The following CDH4 variants were observed in gnomAD, a reference collection of about 807,000 sequenced individuals.
The protein encoded by CDH4 is cadherin 4.
In CDH4, 33 loss-of-function variants were observed where a neutral mutation model predicts 86.0. The ratio of observed to expected loss-of-function variants is 0.38; its 90% confidence interval spans 0.29 to 0.51. The LOEUF is 0.51. CDH4 is among the 20% of genes least tolerant of loss of function. The probability of loss-of-function intolerance (pLI) is 0.86; values close to 1 mark genes in which losing one functional copy is unlikely to be tolerated. For synonymous variants in CDH4, 555 were observed against 549.4 expected (o/e 1.01, Z -0.14); for missense variants, 1,114 against 1,307.4 (o/e 0.85, Z 2.28).
chr20:61,865,569 G>A (rs1480870193), intron 6 of CDH4, among the ~76,000 whole-genome samples: 1 of 151,994 alleles, frequency 6.6e-6, no homozygotes, highest in African/African-American at 2.4e-5. Context: ...TGGCTGGTTA[G>A]TGTAGATGAT....
chr20:61,753,479 T>C (rs1184129852), intron 3 of CDH4, among the ~76,000 whole-genome samples: 1 of 152,222 alleles, frequency 6.6e-6, no homozygotes, highest in East Asian at 1.9e-4. Context: ...AACTGTTTTT[T>C]GGTGCAGTCT....
chr20:61,562,295 C>T (rs1405138984), intron 2 of CDH4, among the ~76,000 whole-genome samples: 1 of 110,626 alleles, frequency 9.0e-6, no homozygotes, highest in African/African-American at 4.2e-5. Flanking sequence ...CCAGGGCTCC[C>T]GGAGAGAGAG....
intron 2 of CDH4, among the ~76,000 whole-genome samples, chr20:61,368,799 G>A (rs964464218): frequency 4.6e-5 from 7 of 152,166 alleles, no homozygotes. Context: ...TTACAGGCGT[G>A]AGCCACTGCA....
chr20:61,781,684 G>A (rs779400784), intron 4 of CDH4, among the ~76,000 whole-genome samples: 55 of 152,194 alleles, frequency 3.6e-4, no homozygotes, highest in Non-Finnish European at 6.5e-4. Context: ...GAGGAGAGAT[G>A]ATCAGAAAAA....
intron 2 of CDH4, among the ~76,000 whole-genome samples, chr20:61,558,958 G>A (rs923350540): frequency 2.0e-5 from 3 of 152,204 alleles, no homozygotes; most frequent in Non-Finnish European, 4.4e-5. Flanking sequence ...GCTGTGCTAA[G>A]TGGCTTTAAA....
chr20:61,797,289 T>C (rs1046978374), intron 4 of CDH4, among the ~76,000 whole-genome samples: 1 of 151,906 alleles, frequency 6.6e-6, no homozygotes, highest in African/African-American at 2.4e-5. Context: ...GCTCACACCA[T>C]CCATTCCCCA....
chr20:61,315,343 G>A (rs1234678957), intron 2 of CDH4, among the ~76,000 whole-genome samples: 3 of 152,188 alleles, frequency 2.0e-5, no homozygotes, highest in Non-Finnish European at 4.4e-5. Flanking sequence ...GAGAAACTGG[G>A]GGACATTGAG....
In CDH4 at chr20:61,454,644, A is replaced by G. The variant is rs1568851091; in HGVS notation, c.169+199707A>G. Among the ~76,000 whole-genome samples, 4 of 152,102 alleles carry G rather than the reference A, an allele frequency of 2.6e-5. No individual in the cohort carries two copies. In the East Asian group the frequency reaches 5.8e-4, roughly 22 times the overall value. On this transcript the variant is annotated intron_variant, in intron 2 of 15. Coordinates refer to ENST00000614565, the MANE Select transcript of CDH4 (RefSeq NM_001794.5). Reference sequence around the variant, plus strand: ...GTATTTCTAGTAGAAACGGGGTTTCACCGTGTTTGCCAGGATGGTCTCGAT... The same window carrying G: ...GTATTTCTAGTAGAAACGGGGTTTCGCCGTGTTTGCCAGGATGGTCTCGAT...
intron 2 of CDH4, among the ~76,000 whole-genome samples, chr20:61,473,065 A>G (rs754718026): frequency 1.3e-5 from 2 of 152,174 alleles, no homozygotes; most frequent in Non-Finnish European, 2.9e-5. Context: ...GCCAATTGCC[A>G]TGGTGTAATT....
intron 2 of CDH4, among the ~76,000 whole-genome samples, chr20:61,504,738 T>C (rs1303688488): frequency 6.6e-6 from 1 of 152,214 alleles, no homozygotes; most frequent in East Asian, 1.9e-4. Flanking sequence ...ACTAATGGCC[T>C]AAATTGGTAC....
intron 2 of CDH4, among the ~76,000 whole-genome samples, chr20:61,457,409 A>G (rs1240188557): frequency 6.6e-6 from 1 of 152,218 alleles, no homozygotes; most frequent in Non-Finnish European, 1.5e-5. Context: ...AGCCACCCTG[A>G]GAAATTCAAC....
At chr20:61,818,373 G>A (rs1352518971) in intron 4 of CDH4, among the ~76,000 whole-genome samples, 1 of 152,128 alleles carries the variant, frequency 6.6e-6, no homozygotes, top group East Asian at 1.9e-4. Context: ...CTCTAGGTCA[G>A]AATTCCAAAA....
intron 2 of CDH4, among the ~76,000 whole-genome samples, chr20:61,523,300 C>T (rs545466197): frequency 6.6e-6 from 1 of 152,376 alleles, no homozygotes; most frequent in Non-Finnish European, 1.5e-5. Context: ...TGCGGCACTG[C>T]CAGCGGGCCC....
At position 61,894,952 on chromosome 20, in the gene CDH4, G is replaced by A; in HGVS notation, c.1093G>A (p.Glu365Lys). ...YTVIVQATDM[E>K]GNLNYGLSNT... is the part of the protein sequence containing the mutation. ...AGTCATCGTTCAGGCCACAGATATG[G>A]AAGGAAATCTCAACTATGGCCTCTC... The change falls in exon 8 of 16, where the codon GAA becomes AAA. Residue 365 changes from glutamate (E) to lysine (K), a missense_variant. Glu to Lys is a moderately conservative substitution (Grantham distance 56). Transcript: ENST00000614565. 1 of 1,613,918 alleles carries A rather than the reference G, an allele frequency of 6.2e-7. No homozygotes were observed. The highest frequency in any genetic ancestry group is 2.2e-5 in the East Asian group (1 of 44,878).
At chr20:61,451,835 C>T (rs2085382660) in intron 2 of CDH4, among the ~76,000 whole-genome samples, 1 of 152,246 alleles carries the variant, frequency 6.6e-6, no homozygotes, top group South Asian at 2.1e-4. Flanking sequence ...AAAGCCTGAT[C>T]TGCACAACAT....
chr20:61,919,091 G>A (rs2054938792), intron 9 of CDH4, among the ~76,000 whole-genome samples: 1 of 152,274 alleles, frequency 6.6e-6, no homozygotes, highest in African/African-American at 2.4e-5. Context: ...GGCTGCTCTC[G>A]AACTCCTAGG....
At chr20:61,634,312 C>T (rs576558787) in intron 2 of CDH4, among the ~76,000 whole-genome samples, 5 of 152,280 alleles carry the variant, frequency 3.3e-5, no homozygotes, top group East Asian at 1.9e-4. Context: ...CAGCACCTTC[C>T]GAGCCCCCAG....
intron 3 of CDH4, among the ~76,000 whole-genome samples, chr20:61,767,560 G>C (rs1019283407): frequency 6.6e-6 from 1 of 152,196 alleles, no homozygotes; most frequent in Non-Finnish European, 1.5e-5. Flanking sequence ...TGGAGGTCTG[G>C]TCCCCAGCAC....
chr20:61,797,464 A>G lies in CDH4; in HGVS notation c.576+24282A>G, dbSNP rs114324493. Among the ~76,000 whole-genome samples, 864 of 152,326 alleles carry G rather than the reference A, an allele frequency of 5.7e-3. 9 individuals carry two copies. Among genetic ancestry groups the G allele is most frequent in the African/African-American group, 0.019 (810 of 41,568 alleles). On this transcript the variant is annotated intron_variant, in intron 4 of 15. Transcript: ENST00000614565. The stretch of plus-strand genomic sequence containing the variant: ...CTTACATGAAGCTGGGGTTGTATCA[A>G]AACAAAACAAAACCACACCACCTGG...
Sources: gnomAD v4.1 joint callset for allele counts (sites outside exome capture counted in the v4.1 genomes callset) on GRCh38, gnomAD v4.1.1 for gene constraint, MANE v1.5 for transcripts, NCBI Gene and HGNC (gene_info 2026-07-23, HGNC 2026-07-21) for gene names.